Variants in GINS1 observed in about 807,000 individuals in gnomAD.
GINS1 encodes the protein GINS complex subunit 1, also known as DNA replication complex GINS protein PSF1.
GINS1 carries 26 observed loss-of-function variants against 34.9 expected under a neutral mutation model. That is an observed-to-expected ratio of 0.74 (90% confidence interval 0.55 to 1.03). The LOEUF is 1.03. Ranked by LOEUF, GINS1 falls within the 50% of genes least tolerant of loss-of-function variation. The pLI is 0.00. For missense variants in GINS1, 235 were observed against 237.9 expected (o/e 0.99, Z 0.08); for synonymous variants, 97 against 84.4 (o/e 1.15, Z -0.82).
At chr20:25,421,779 T>A (rs2090356782) in intron 4 of GINS1, among the ~76,000 whole-genome samples, 1 of 152,210 alleles carries the variant, frequency 6.6e-6, no homozygotes, top group Admixed American at 6.5e-5. Flanking sequence ...TGAGACTGAA[T>A]GAGGGTAACA....
intron 4 of GINS1, chr20:25,420,781 CAAAAAAAAA>C (rs10540213): frequency 1.1e-5 from 7 of 618,686 alleles, no homozygotes; most frequent in East Asian, 1.6e-4. Context: ...GACCCTGTCT[CAAAAAAAAA>C]AAAAAAGAAA....
intron 1 of GINS1, among the ~76,000 whole-genome samples, chr20:25,410,826 G>T (rs1471942009): frequency 6.6e-6 from 1 of 152,008 alleles, no homozygotes; most frequent in Non-Finnish European, 1.5e-5. Context: ...GCCTCCCAAA[G>T]TGCTGGGATT....
intron 4 of GINS1, among the ~76,000 whole-genome samples, chr20:25,418,851 T>C (rs1329185147): frequency 1.2e-4 from 19 of 152,182 alleles, no homozygotes; most frequent in Admixed American, 1.2e-3. Context: ...TCAATCTTCA[T>C]CCCTCTTCCC....
At chr20:25,426,300 A>G (rs2090390288) in intron 5 of GINS1, among the ~76,000 whole-genome samples, 1 of 152,050 alleles carries the variant, frequency 6.6e-6, no homozygotes, top group East Asian at 1.9e-4. Context: ...ACGGTGGCTC[A>G]TGCTTGTAAT....
At chr20:25,431,337 C>T (rs1443778393) in intron 5 of GINS1, among the ~76,000 whole-genome samples, 2 of 151,970 alleles carry the variant, frequency 1.3e-5, no homozygotes, top group Non-Finnish European at 2.9e-5. Context: ...ATTTTGTTGA[C>T]CTTTTAAAAT....
chr20:25,421,232 G>A (rs1334364124), intron 4 of GINS1, among the ~76,000 whole-genome samples: 3 of 152,150 alleles, frequency 2.0e-5, no homozygotes, highest in Non-Finnish European at 4.4e-5. Flanking sequence ...ATGAAAAAGA[G>A]AAAATAATGC....
chr20:25,407,936 G>GGCCCCGCCCCAGA, intron 1 of GINS1, 41 bp downstream of exon 1: 2 of 1,478,212 alleles, frequency 1.4e-6, no homozygotes, highest in Non-Finnish European at 1.9e-6. Flanking sequence ...GCCGGCGTTG[G>GGCCCCGCCCCAGA]GCCCTGGGCT....
At chr20:25,408,051 A>G (rs915968627) in intron 1 of GINS1, among the ~76,000 whole-genome samples, 156 bp downstream of exon 1, 2 of 152,282 alleles carry the variant, frequency 1.3e-5, no homozygotes, top group Admixed American at 1.3e-4. Flanking sequence ...GGAAAGAGAA[A>G]GCATTCATGC....
chr20:25,445,726 G>T (rs111249326), intron 6 of GINS1, among the ~76,000 whole-genome samples, 197 bp from the exon 7 acceptor site: 1 of 152,018 alleles, frequency 6.6e-6, no homozygotes, highest in Non-Finnish European at 1.5e-5. Flanking sequence ...CAGGTGATCC[G>T]CCTACCTTGG....
chr20:25,433,599 A>C (rs184251586), intron 5 of GINS1, among the ~76,000 whole-genome samples: 1 of 152,026 alleles, frequency 6.6e-6, no homozygotes, highest in African/African-American at 2.4e-5. Context: ...TGTTTAAAAA[A>C]ATTTTTGATT....
At chr20:25,422,285 CTT>C (rs2090360238) in intron 4 of GINS1, among the ~76,000 whole-genome samples, 1 of 151,978 alleles carries the variant, frequency 6.6e-6, no homozygotes, top group African/African-American at 2.4e-5. Flanking sequence ...TTTTAAAAAT[CTT>C]ATTGCTCTGG....
chr20:25,445,014 G>A (rs904240113), intron 6 of GINS1, among the ~76,000 whole-genome samples: 1 of 152,108 alleles, frequency 6.6e-6, no homozygotes, highest in Non-Finnish European at 1.5e-5. Context: ...AATCCAAATC[G>A]CACCTATCTG....
intron 5 of GINS1, among the ~76,000 whole-genome samples, chr20:25,441,446 A>T (rs893326876): frequency 2.6e-5 from 4 of 152,128 alleles, no homozygotes; most frequent in African/African-American, 9.7e-5. Context: ...AGGAGGCAAC[A>T]TCGTTGTCTC....
chr20:25,427,668 TTTG>T (rs1332806874), intron 5 of GINS1, among the ~76,000 whole-genome samples: 1 of 152,148 alleles, frequency 6.6e-6, no homozygotes, highest in African/African-American at 2.4e-5. Flanking sequence ...CAAATAGGGT[TTTG>T]TTGTTGTGGA....
chr20:25,427,352 C>T (rs2090397415), intron 5 of GINS1, among the ~76,000 whole-genome samples: 1 of 151,938 alleles, frequency 6.6e-6, no homozygotes, highest in African/African-American at 2.4e-5. Context: ...TGCCCACCAC[C>T]ACACCTGGCT....
intron 1 of GINS1, among the ~76,000 whole-genome samples, chr20:25,412,004 A>G (rs2090288670): frequency 6.6e-6 from 1 of 151,876 alleles, no homozygotes; most frequent in Non-Finnish European, 1.5e-5. Flanking sequence ...GCTACTCGAG[A>G]GGCTGAGGCA....
intron 5 of GINS1, among the ~76,000 whole-genome samples, chr20:25,437,987 C>T (rs186381455): frequency 6.6e-5 from 10 of 151,964 alleles, no homozygotes; most frequent in Middle Eastern, 3.4e-3. Context: ...GGCGTGGTGG[C>T]GGGCACCCGT....
At chr20:25,432,138 C>G (rs1051099084) in intron 5 of GINS1, among the ~76,000 whole-genome samples, 3 of 152,118 alleles carry the variant, frequency 2.0e-5, no homozygotes, top group African/African-American at 7.2e-5. Context: ...TCCCAAAGTG[C>G]TGGAATTGCA....
At chr20:25,415,685 C>CAAAACA (rs2090316274) in intron 2 of GINS1, among the ~76,000 whole-genome samples, 1 of 49,154 alleles carries the variant, frequency 2.0e-5, no homozygotes, top group Non-Finnish European at 4.8e-5. Context: ...AACTCCATCT[C>CAAAACA]AAAAAAAAAA....
Sources: allele counts gnomAD v4.1 joint callset (sites outside exome capture counted in the v4.1 genomes callset), GRCh38; gene constraint gnomAD v4.1.1; transcripts MANE v1.5; gene names NCBI Gene and HGNC (gene_info 2026-07-23, HGNC 2026-07-21).